The following CPQ variants were observed in gnomAD, a reference collection of about 807,000 sequenced individuals.
The protein encoded by CPQ is carboxypeptidase Q, also known as Ser-Met dipeptidase.
In CPQ, 37 loss-of-function variants were observed where a neutral mutation model predicts 45.7. That is an observed-to-expected ratio of 0.81 (90% CI 0.62 to 1.07). The LOEUF (loss-of-function observed/expected upper bound fraction) is 1.07, where lower values mean the gene tolerates loss of function less well. CPQ is among the 50% of genes least tolerant of loss of function. The probability of loss-of-function intolerance (pLI) is 0.00; values close to 1 mark genes in which losing one functional copy is unlikely to be tolerated. For missense variants in CPQ, 537 were observed against 572.9 expected, an observed-to-expected ratio of 0.94 and a Z score of 0.64; for synonymous variants, 186 against 205.8, an observed-to-expected ratio of 0.90 and a Z score of 0.82.
At chr8:96,727,640 AT>A (rs918970390) in intron 1 of CPQ, among the ~76,000 whole-genome samples, 3 of 151,804 alleles carry the variant, frequency 2.0e-5, no homozygotes, top group Non-Finnish European at 4.4e-5. Flanking sequence ...CAGATTCCGG[AT>A]TTTTTTTCTC....
intron 4 of CPQ, among the ~76,000 whole-genome samples, chr8:96,888,804 G>A (rs549989905): frequency 6.6e-6 from 1 of 152,278 alleles, no homozygotes; most frequent in African/African-American, 2.4e-5. Flanking sequence ...TGAGGCATGA[G>A]TTTTGCTGGG....
intron 7 of CPQ, among the ~76,000 whole-genome samples, chr8:97,083,201 T>C (rs149523096): frequency 2.0e-5 from 3 of 152,304 alleles, no homozygotes; most frequent in East Asian, 1.9e-4. Flanking sequence ...TCTGTACAGT[T>C]GACATTAAAT....
Position 96,730,862 on chromosome 8 carries a change from C to CAT in CPQ, c.-34-54000_-34-53999dup, listed in dbSNP as rs1490194461. On this transcript the variant is annotated intron_variant, in intron 1 of 7. Coordinates refer to ENST00000220763, the MANE Select transcript of CPQ (RefSeq NM_016134.4). The stretch of plus-strand genomic sequence containing the variant: ...CACTGATCTAGATCAATTAACCATA[C>CAT]ATACATATATATATATATATATATA... Among the ~76,000 whole-genome samples, 211 of 29,370 alleles carry CAT rather than the reference C, an allele frequency of 7.2e-3. 2 individuals are homozygous for CAT. Among genetic ancestry groups the CAT allele is most frequent in the Non-Finnish European group, 0.013 (142 of 11,218 alleles). 19.3% of individuals were successfully genotyped at this position (29,370 alleles called of 152,430 possible).
chr8:96,822,163 T>C (rs1020788522), intron 2 of CPQ, among the ~76,000 whole-genome samples: 45 of 152,058 alleles, frequency 3.0e-4, no homozygotes, highest in African/African-American at 1.1e-3. Flanking sequence ...TTTTTCTTTG[T>C]GTGCCTGGCC....
intron 1 of CPQ, among the ~76,000 whole-genome samples, chr8:96,660,636 G>GGTGTGT (rs71267273): frequency 0.041 from 6,095 of 149,092 alleles, 332 homozygotes; most frequent in East Asian, 0.19. Flanking sequence ...GAATACATTT[G>GGTGTGT]GTGTGTGTGT....
At chr8:96,782,895 T>A (rs1433500699) in intron 1 of CPQ, among the ~76,000 whole-genome samples, 3 of 152,202 alleles carry the variant, frequency 2.0e-5, no homozygotes, top group Non-Finnish European at 4.4e-5. Context: ...TTTTGCCACT[T>A]AATAACAAGG....
In CPQ at chr8:97,143,118, G is replaced by T. The variant is rs766411873; in HGVS notation, c.1354G>T (p.Ala452Ser). ...VMDPKQMNVAAAVWAVVSYVV... is the reference protein window; with the variant it reads ...VMDPKQMNVASAVWAVVSYVV... Reference sequence around the variant, plus strand: ...GGATCCAAAGCAGATGAATGTTGCTGCTGCTGTTTGGGCTGTTGTTTCTTA... The same window carrying T: ...GGATCCAAAGCAGATGAATGTTGCTTCTGCTGTTTGGGCTGTTGTTTCTTA... The change falls in exon 8 of 8, where the codon GCT becomes TCT. Residue 452 changes from alanine (A) to serine (S), a missense_variant. Physicochemically the swap from Ala to Ser is moderately conservative, Grantham distance 99. Transcript: ENST00000220763. 2.5e-6 allele frequency: 4 copies of T among 1,613,858 alleles called. No homozygotes were observed. The highest frequency in any genetic ancestry group is 3.4e-6 in the Non-Finnish European group (4 of 1,179,922).
At chr8:96,747,768 G>T (rs780436068) in intron 1 of CPQ, among the ~76,000 whole-genome samples, 3 of 152,154 alleles carry the variant, frequency 2.0e-5, no homozygotes, top group Admixed American at 6.5e-5. Context: ...AGAATCGCCA[G>T]GTTATTTGTT....
At chr8:96,810,305 C>T (rs1357814354) in intron 2 of CPQ, among the ~76,000 whole-genome samples, 2 of 152,144 alleles carry the variant, frequency 1.3e-5, no homozygotes, top group East Asian at 3.9e-4. Context: ...TACCCTGGTG[C>T]CCAGCATGTT....
chr8:97,113,830 A>G (rs1486997425), intron 7 of CPQ, among the ~76,000 whole-genome samples: 1 of 152,162 alleles, frequency 6.6e-6, no homozygotes, highest in African/African-American at 2.4e-5. Context: ...TGTGCTGTTG[A>G]TTTCTAAACT....
At chr8:97,096,231 T>C in intron 7 of CPQ, among the ~76,000 whole-genome samples, 1 of 152,124 alleles carries the variant, frequency 6.6e-6, no homozygotes, top group South Asian at 2.1e-4. Flanking sequence ...AAGTTATGAG[T>C]GGTAGAGCCA....
At chr8:96,852,114 T>C (rs1811778801) in intron 3 of CPQ, among the ~76,000 whole-genome samples, 1 of 152,188 alleles carries the variant, frequency 6.6e-6, no homozygotes, top group Non-Finnish European at 1.5e-5. Flanking sequence ...CCCAAGACTT[T>C]GGGAGGAAAA....
chr8:96,717,024 A>AATATATATATATATATATAT (rs58338307), intron 1 of CPQ, among the ~76,000 whole-genome samples: 7 of 56,560 alleles, frequency 1.2e-4, no homozygotes, highest in African/African-American at 1.8e-4. Context: ...CCATGATATA[A>AATATATATATATATATATAT]ATATATATAT....
chr8:96,830,672 A>C (rs908127937), intron 2 of CPQ, among the ~76,000 whole-genome samples: 3 of 152,096 alleles, frequency 2.0e-5, no homozygotes, highest in African/African-American at 4.8e-5. Flanking sequence ...ACCGAGTCTG[A>C]TGACTCCTGT....
intron 7 of CPQ, among the ~76,000 whole-genome samples, chr8:97,137,618 G>A (rs939901389): frequency 6.6e-6 from 1 of 152,208 alleles, no homozygotes; most frequent in African/African-American, 2.4e-5. Flanking sequence ...CCCTGGGTGT[G>A]CTGTGAGTTC....
intron 4 of CPQ, among the ~76,000 whole-genome samples, chr8:96,890,166 T>C (rs1812354754): frequency 1.3e-5 from 2 of 152,348 alleles, no homozygotes; most frequent in African/African-American, 4.8e-5. Flanking sequence ...TTAACAATAC[T>C]TAAATACTGA....
At chr8:97,039,388 G>C (rs960714347) in intron 6 of CPQ, among the ~76,000 whole-genome samples, 3 of 150,692 alleles carry the variant, frequency 2.0e-5, no homozygotes, top group South Asian at 2.1e-4. Flanking sequence ...TTGTCCATTG[G>C]TTTGCTTACA....
intron 5 of CPQ, among the ~76,000 whole-genome samples, chr8:96,994,147 C>T (rs1809139723): frequency 6.6e-6 from 1 of 152,124 alleles, no homozygotes; most frequent in Non-Finnish European, 1.5e-5. Flanking sequence ...TCTTGCCAAT[C>T]TGCACGGGAT....
intron 7 of CPQ, among the ~76,000 whole-genome samples, chr8:97,123,251 AAAAAT>A (rs1345950060): frequency 5.9e-4 from 85 of 144,784 alleles, no homozygotes; most frequent in African/African-American, 1.8e-3. Flanking sequence ...AAAATAAAAT[AAAAAT>A]AAAATAAAAT....
Sources: allele counts gnomAD v4.1 joint callset (sites outside exome capture counted in the v4.1 genomes callset), GRCh38; gene constraint gnomAD v4.1.1; transcripts MANE v1.5; gene names NCBI Gene and HGNC (gene_info 2026-07-23, HGNC 2026-07-21).